Variants in B4GALT5 observed in about 807,000 individuals in gnomAD.
B4GALT5 encodes beta-1,4-galactosyltransferase 5, also known as UDP-Gal:beta-GlcNAc beta-1,4-galactosyltransferase 5.
A neutral mutation model predicts 45.0 loss-of-function variants in B4GALT5; 11 were observed. That is an observed-to-expected ratio of 0.24 (90% confidence interval 0.15 to 0.40). The LOEUF (loss-of-function observed/expected upper bound fraction) is 0.40, where lower values mean the gene tolerates loss of function less well. B4GALT5 is among the 10% of genes least tolerant of loss of function. B4GALT5 has a pLI of 1.00. For missense variants in B4GALT5, 337 were observed against 500.2 expected (o/e 0.67, Z 3.11); for synonymous variants, 185 against 182.9 (o/e 1.01, Z -0.09).
intron 1 of B4GALT5, among the ~76,000 whole-genome samples, chr20:49,678,525 A>T (rs996853685): frequency 3.3e-5 from 5 of 152,148 alleles, no homozygotes; most frequent in Non-Finnish European, 5.9e-5. Context: ...CCTCTGAAGG[A>T]CAAGCCTCAT....
At chr20:49,712,966 T>G (rs2085923647) in intron 1 of B4GALT5, among the ~76,000 whole-genome samples, 3 of 140,196 alleles carry the variant, frequency 2.1e-5, no homozygotes, top group South Asian at 2.2e-4. Context: ...ACTGAAGAGG[T>G]GAACGTGAGT....
At chr20:49,698,080 GAGAGGC>G (rs1484183820) in intron 1 of B4GALT5, among the ~76,000 whole-genome samples, 2 of 152,138 alleles carry the variant, frequency 1.3e-5, no homozygotes, top group Non-Finnish European at 2.9e-5. Flanking sequence ...CCAGCTACTC[GAGAGGC>G]AGAGGCAGGC....
At chr20:49,683,323 T>A (rs916924083) in intron 1 of B4GALT5, among the ~76,000 whole-genome samples, 2 of 152,038 alleles carry the variant, frequency 1.3e-5, no homozygotes, top group African/African-American at 4.8e-5. Context: ...CTGAATAAAT[T>A]GTCAGGTAAA....
At position 49,639,873 on chromosome 20, in the gene B4GALT5, G is replaced by T; in HGVS notation, c.795-73C>A. On this transcript the variant is annotated intron_variant, in intron 6 of 8. Coordinates refer to ENST00000371711, the MANE Select transcript of B4GALT5 (RefSeq NM_004776.4). ...TGTTTTCCCTAGAAGGTTCTCATTT[G>T]AGGACTAAAAACAGTGCTCTCTGTG... 7 of 1,571,856 alleles carry T rather than the reference G, an allele frequency of 4.5e-6. No individual in the cohort carries two copies. The South Asian group carries it at 8.0e-5, about 18-fold the overall frequency.
chr20:49,678,935 A>G (rs72626555), intron 1 of B4GALT5, among the ~76,000 whole-genome samples: 1 of 152,136 alleles, frequency 6.6e-6, no homozygotes, highest in Non-Finnish European at 1.5e-5. Flanking sequence ...GCACAAAGCA[A>G]AGTTCCCTCC....
chr20:49,649,988 T>TG (rs2085614721), intron 2 of B4GALT5, among the ~76,000 whole-genome samples: 1 of 152,202 alleles, frequency 6.6e-6, no homozygotes, highest in Admixed American at 6.5e-5. Flanking sequence ...ATAATCATTC[T>TG]GGTCAATGAC....
intron 1 of B4GALT5, among the ~76,000 whole-genome samples, chr20:49,691,828 C>T (rs1020105254): frequency 1.3e-5 from 2 of 152,150 alleles, no homozygotes; most frequent in African/African-American, 4.8e-5. Context: ...AAATTTTATA[C>T]ACTGAATGTA....
At chr20:49,644,956 A>T (rs1249223975) in intron 3 of B4GALT5, among the ~76,000 whole-genome samples, 1 of 152,190 alleles carries the variant, frequency 6.6e-6, no homozygotes, top group Non-Finnish European at 1.5e-5. Flanking sequence ...GAAGTGGGGA[A>T]CCATATTAAG....
intron 1 of B4GALT5, among the ~76,000 whole-genome samples, chr20:49,660,179 T>C (rs951274404): frequency 6.6e-6 from 1 of 152,180 alleles, no homozygotes; most frequent in Admixed American, 6.5e-5. Flanking sequence ...ACTGGCCCAG[T>C]TGTCTACACT....
At position 49,674,607 on chromosome 20, in the gene B4GALT5, G is replaced by A. The variant is rs867103659; in HGVS notation, c.116-17905C>T. On this transcript the variant is annotated intron_variant, in intron 1 of 8. Coordinates refer to ENST00000371711, the MANE Select transcript of B4GALT5 (RefSeq NM_004776.4). ...ATGGAAGGGGAAGGGAGGCACAGGA[G>A]ACCGAGGTGGGAGGATCACTTGAGC... is the stretch of plus-strand genomic sequence containing the variant. Among the ~76,000 whole-genome samples the A allele has an allele frequency of 1.0e-3, 151 of 151,724 alleles. 5 individuals carry two copies. The Middle Eastern group carries it at 0.01, about 10-fold the overall frequency.
chr20:49,666,020 C>T (rs1030108507), intron 1 of B4GALT5, among the ~76,000 whole-genome samples: 15 of 152,056 alleles, frequency 9.9e-5, no homozygotes, highest in Admixed American at 5.2e-4. Context: ...CTGAAAGCCA[C>T]GACATTGCAG....
rs764835912 is a variant in B4GALT5, at chr20:49,642,470, G to T, written c.604C>A (p.Gln202Lys). 6.2e-7 allele frequency: 1 copy of T among 1,608,284 alleles called. No individual in the cohort carries two copies. The highest frequency in any genetic ancestry group is 8.5e-7 in the Non-Finnish European group (1 of 1,175,064). Residue 202 changes from glutamine to lysine, a missense_variant and splice_region_variant, in exon 5 of 9, where the codon CAA becomes AAA. Gln to Lys is a moderately conservative substitution (Grantham distance 53). Coordinates refer to ENST00000371711, the MANE Select transcript of B4GALT5 (RefSeq NM_004776.4). ...RLQFAFYVVE[Q>K]VGTQPFNRAM... The stretch of plus-strand genomic sequence containing the variant: ...AAGGAAAAGAAAGGACTACTCACTT[G>T]TTCAACCACATAAAATGCAAACTGC...
chr20:49,662,964 G>T (rs1031637825), intron 1 of B4GALT5, among the ~76,000 whole-genome samples: 2 of 152,170 alleles, frequency 1.3e-5, no homozygotes, highest in African/African-American at 4.8e-5. Flanking sequence ...TCCAAAACTA[G>T]AAAGAACTCA....
intron 5 of B4GALT5, 68 bp from the exon 6 acceptor site, chr20:49,640,733 T>A: frequency 6.9e-7 from 1 of 1,449,642 alleles, no homozygotes; most frequent in Non-Finnish European, 9.2e-7. Context: ...TTCCTGTGCC[T>A]AAAGACGAGT....
chr20:49,670,978 T>G (rs578218114), intron 1 of B4GALT5, among the ~76,000 whole-genome samples: 4 of 152,206 alleles, frequency 2.6e-5, no homozygotes, highest in Non-Finnish European at 5.9e-5. Context: ...AACCTATCTA[T>G]GCACCAAAAG....
chr20:49,711,024 A>C (rs2085908070), intron 1 of B4GALT5, among the ~76,000 whole-genome samples: 1 of 151,572 alleles, frequency 6.6e-6, no homozygotes, highest in Admixed American at 6.6e-5. Flanking sequence ...TCAAGGCTGC[A>C]GTAAGCTATG....
At chr20:49,681,448 G>A (rs760836927) in intron 1 of B4GALT5, among the ~76,000 whole-genome samples, 2 of 146,666 alleles carry the variant, frequency 1.4e-5, no homozygotes, top group Admixed American at 1.4e-4. Flanking sequence ...TGGACTTCTC[G>A]ATCTACACTC....
At chr20:49,712,621 G>A (rs535116317) in intron 1 of B4GALT5, among the ~76,000 whole-genome samples, 2 of 151,988 alleles carry the variant, frequency 1.3e-5, no homozygotes, top group South Asian at 2.1e-4. Flanking sequence ...CCTTCTCTAC[G>A]GACAATTTAA....
At chr20:49,674,002 C>A (rs1029223455) in intron 1 of B4GALT5, among the ~76,000 whole-genome samples, 13 of 148,212 alleles carry the variant, frequency 8.8e-5, no homozygotes, top group African/African-American at 3.2e-4. Flanking sequence ...CTTTGGGAGG[C>A]CGAGGTGGGC....
Sources: gnomAD v4.1 joint callset for allele counts (sites outside exome capture counted in the v4.1 genomes callset) on GRCh38, gnomAD v4.1.1 for gene constraint, MANE v1.5 for transcripts, NCBI Gene and HGNC (gene_info 2026-07-23, HGNC 2026-07-21) for gene names.